The following PAK2 variants were observed in gnomAD, a reference collection of about 807,000 sequenced individuals.
The protein encoded by PAK2 is p21 (RAC1) activated kinase 2, also known as serine/threonine-protein kinase PAK 2.
A neutral mutation model predicts 65.9 loss-of-function variants in PAK2; 21 were observed. The ratio of observed to expected loss-of-function variants is 0.32; its 90% CI spans 0.23 to 0.46. The LOEUF (loss-of-function observed/expected upper bound fraction) is 0.46. Ranked by LOEUF, PAK2 falls within the 20% of genes least tolerant of loss-of-function variation. PAK2 has a pLI of 1.00. For missense variants in PAK2, 324 were observed against 642.6 expected (o/e 0.50, Z 5.36); for synonymous variants, 204 against 219.7 (o/e 0.93, Z 0.63).
At chr3:196,780,682 A>G (rs1714678192) in intron 1 of PAK2, among the ~76,000 whole-genome samples, 2 of 152,220 alleles carry the variant, frequency 1.3e-5, no homozygotes, top group African/African-American at 4.8e-5. Context: ...AGAATGAAAA[A>G]ATAATCATTT....
At chr3:196,809,382 C>G (rs565878018) in intron 7 of PAK2, among the ~76,000 whole-genome samples, 137 of 119,902 alleles carry the variant, frequency 1.1e-3, no homozygotes, top group African/African-American at 4.3e-3. Context: ...CAGAGTCTCG[C>G]TCTGTCACCC....
intron 1 of PAK2, among the ~76,000 whole-genome samples, chr3:196,763,874 C>T (rs1714067364): frequency 6.6e-6 from 1 of 152,228 alleles, no homozygotes; most frequent in Non-Finnish European, 1.5e-5. Flanking sequence ...TCACGGCTCA[C>T]TGCAAGCTCT....
chr3:196,748,390 A>C (rs1713461613), intron 1 of PAK2, among the ~76,000 whole-genome samples: 1 of 152,190 alleles, frequency 6.6e-6, no homozygotes, highest in African/African-American at 2.4e-5. Flanking sequence ...GGTATTGTAC[A>C]TTCAGTGGGT....
chr3:196,792,870 G>A (rs1715118586), intron 2 of PAK2, among the ~76,000 whole-genome samples: 1 of 152,044 alleles, frequency 6.6e-6, no homozygotes, highest in Non-Finnish European at 1.5e-5. Context: ...TATTGTGAAA[G>A]AGGCTTCAGT....
At chr3:196,741,979 T>C (rs1259993524) in intron 1 of PAK2, among the ~76,000 whole-genome samples, 3 of 152,210 alleles carry the variant, frequency 2.0e-5, no homozygotes, top group African/African-American at 7.2e-5. Context: ...TGCTATTTAA[T>C]ACTAACCTTG....
intron 2 of PAK2, among the ~76,000 whole-genome samples, chr3:196,784,679 A>G (rs13062592): frequency 0.21 from 29,831 of 144,310 alleles, 3,223 homozygotes; most frequent in African/African-American, 0.26. Flanking sequence ...TAATGCCGCA[A>G]TAAACATACG....
chr3:196,753,036 A>G lies in PAK2; in HGVS notation c.-22+12879A>G, dbSNP rs182793946. On this transcript the variant is annotated intron_variant, in intron 1 of 14. Transcript: ENST00000327134. ...CCCTGTGTCACCCAGGCTGGAGTGC[A>G]GTGGTGCCGATGGCTCACTGCAACT... 5.8e-3 allele frequency among the ~76,000 whole-genome samples: 879 copies of G among 150,570 alleles called. 10 individuals are homozygous for G. The highest frequency in any genetic ancestry group is 0.019 in the African/African-American group (794 of 40,892).
At chr3:196,799,221 A>C (rs1715346348) in intron 2 of PAK2, among the ~76,000 whole-genome samples, 1 of 152,252 alleles carries the variant, frequency 6.6e-6, no homozygotes, top group Non-Finnish European at 1.5e-5. Context: ...ATTAGTATTC[A>C]AGAAACAACT....
At chr3:196,783,291 T>C (rs1459607660) in intron 2 of PAK2, among the ~76,000 whole-genome samples, 1 of 152,184 alleles carries the variant, frequency 6.6e-6, no homozygotes, top group Non-Finnish European at 1.5e-5. Flanking sequence ...GCCTCAGTAC[T>C]CACAGACTGA....
chr3:196,818,559 G>C (rs1342612677), intron 12 of PAK2, among the ~76,000 whole-genome samples: 1 of 152,070 alleles, frequency 6.6e-6, no homozygotes, highest in Non-Finnish European at 1.5e-5. Flanking sequence ...TAAAGACGGG[G>C]TTTCTCCACA....
At chr3:196,803,688 A>G (rs1715489311) in intron 4 of PAK2, among the ~76,000 whole-genome samples, 1 of 152,240 alleles carries the variant, frequency 6.6e-6, no homozygotes, top group South Asian at 2.1e-4. Context: ...AACTAAAAGG[A>G]TTTATACCTC....
Position 196,793,509 on chromosome 3 carries a change from C to G in PAK2, c.188-8418C>G, listed in dbSNP as rs541871238. Among the ~76,000 whole-genome samples the G allele has an allele frequency of 6.6e-5, 10 of 152,136 alleles. No individual in the cohort carries two copies. In the East Asian group the frequency reaches 1.7e-3, roughly 26 times the overall value. On this transcript the variant is annotated intron_variant, in intron 2 of 14. Coordinates refer to ENST00000327134, the MANE Select transcript of PAK2 (RefSeq NM_002577.4). ...CTCCCAGTTAGCTTTTTAATACTTT[C>G]TATATGAGTAGACAGTACAGGATCA...
chr3:196,749,907 G>T (rs998005574), intron 1 of PAK2, among the ~76,000 whole-genome samples: 1 of 151,702 alleles, frequency 6.6e-6, no homozygotes, highest in African/African-American at 2.4e-5. Context: ...CTGCAGCCTC[G>T]AGCTCCTAGG....
chr3:196,762,481 G>A lies in PAK2; in HGVS notation c.-21-20145G>A, dbSNP rs535954084. Among the ~76,000 whole-genome samples the A allele has an allele frequency of 2.6e-3, 398 of 150,514 alleles. 1 individual carries two copies. Among genetic ancestry groups the A allele is most frequent in the African/African-American group, 9.2e-3 (378 of 41,086 alleles). On this transcript the variant is annotated intron_variant, in intron 1 of 14. Coordinates refer to ENST00000327134, the MANE Select transcript of PAK2 (RefSeq NM_002577.4). Reference sequence around the variant, plus strand: ...AGGCCGAGGCTGGCGGATCACTCGCGGTTAGGGGCTGGAGACCGGCCCGGC... The same window carrying A: ...AGGCCGAGGCTGGCGGATCACTCGCAGTTAGGGGCTGGAGACCGGCCCGGC...
chr3:196,771,891 A>G (rs1441872891), intron 1 of PAK2, among the ~76,000 whole-genome samples: 3 of 152,190 alleles, frequency 2.0e-5, no homozygotes, highest in East Asian at 1.9e-4. Flanking sequence ...ATTGTCTGCA[A>G]TGAGTTCATT....
intron 1 of PAK2, among the ~76,000 whole-genome samples, chr3:196,740,618 T>C (rs141775649): frequency 6.6e-6 from 1 of 152,320 alleles, no homozygotes; most frequent in East Asian, 1.9e-4. Context: ...CTCAGGAATA[T>C]TGTCGCGAGT....
In PAK2 at chr3:196,806,646, C is replaced by T. The variant is rs1404659654; in HGVS notation, c.536C>T (p.Ala179Val). The T allele has an allele frequency of 1.2e-6, 2 of 1,612,700 alleles. No homozygotes were observed. The highest frequency in any genetic ancestry group is 2.7e-5 in the African/African-American group (2 of 74,900). The change falls in exon 6 of 15, where the codon GCT becomes GTT. Residue 179 changes from alanine to valine, a missense_variant. Transcript: ENST00000327134. The stretch of plus-strand genomic sequence containing the variant: ...GAGGAGGATGATGATGAAGAGACTG[C>T]TCCTCCCGTTATTGCCCCGCGACCG... ...TEEEDDDEET[A>V]PPVIAPRPDH...
In PAK2 at chr3:196,791,108, G is replaced by A. The variant is rs973949854; in HGVS notation, c.187+8275G>A. Among the ~76,000 whole-genome samples, 2 of 152,096 alleles carry A rather than the reference G, an allele frequency of 1.3e-5. No individual in the cohort carries two copies. Among genetic ancestry groups the A allele is most frequent in the South Asian group, 2.1e-4 (1 of 4,826 alleles). On this transcript the variant is annotated intron_variant, in intron 2 of 14. Coordinates refer to ENST00000327134, the MANE Select transcript of PAK2 (RefSeq NM_002577.4). This position sits in a 1 kb window ranked among gnomAD's most constrained non-coding sequence, Gnocchi z 4.0. ...ACCCCCACATCTACATAAATTTATT[G>A]TGATTGGCCCTCTATTTCTGGGCTT...
At chr3:196,771,011 G>A (rs546247165) in intron 1 of PAK2, among the ~76,000 whole-genome samples, 1 of 151,752 alleles carries the variant, frequency 6.6e-6, no homozygotes, top group South Asian at 2.1e-4. Flanking sequence ...GGGGTTTGTT[G>A]GAGGTGTTTT....
Sources: allele counts gnomAD v4.1 joint callset (sites outside exome capture counted in the v4.1 genomes callset), GRCh38; gene constraint gnomAD v4.1.1; non-coding constraint Gnocchi (gnomAD v3.1); transcripts MANE v1.5; gene names NCBI Gene and HGNC (gene_info 2026-07-23, HGNC 2026-07-21).